SV2B: variants seen among roughly 807,000 people sequenced by gnomAD.
SV2B encodes the protein solute carrier family 22 member B2.
SV2B carries 41 observed loss-of-function variants against 73.9 expected under a neutral mutation model. The ratio of observed to expected loss-of-function variants is 0.56; its 90% CI spans 0.43 to 0.72. The LOEUF (loss-of-function observed/expected upper bound fraction) is 0.72. SV2B is among the 30% of genes least tolerant of loss of function. The pLI is 0.00. For synonymous variants in SV2B, 314 were observed against 314.2 expected (o/e 1.00, Z 0.01); for missense variants, 764 against 857.8 (o/e 0.89, Z 1.37).
At chr15:91,206,651 A>G (rs2045650437) in intron 1 of SV2B, among the ~76,000 whole-genome samples, 1 of 152,088 alleles carries the variant, frequency 6.6e-6, no homozygotes, top group Non-Finnish European at 1.5e-5. Context: ...GTTTTGAATG[A>G]GTGGGGTTTG....
At chr15:91,202,357 T>C (rs2045489572) in intron 1 of SV2B, among the ~76,000 whole-genome samples, 1 of 152,240 alleles carries the variant, frequency 6.6e-6, no homozygotes, top group South Asian at 2.1e-4. Flanking sequence ...CAGTAAATAT[T>C]TGAAGAATCA....
At chr15:91,158,712 TCC>T (rs1749183477) in intron 1 of SV2B, among the ~76,000 whole-genome samples, 25 of 96,316 alleles carry the variant, frequency 2.6e-4, no homozygotes, top group South Asian at 8.1e-4. Flanking sequence ...TCCTCTCCTC[TCC>T]TCTCCTCTCC....
In SV2B at chr15:91,252,628, G is replaced by A. The variant is rs541283883; in HGVS notation, c.784+108G>A. ...TTCCATGTACTCACGCACAGTTCCC[G>A]TACGTGACCTTGATCTTTCTTAACA... On this transcript the variant is annotated intron_variant, in intron 4 of 12. Coordinates refer to ENST00000394232, the MANE Select transcript of SV2B (RefSeq NM_001323032.3). This position sits in a 1 kb window ranked among gnomAD's most constrained non-coding sequence, Gnocchi z 4.6. 2.1e-5 allele frequency: 25 copies of A among 1,201,740 alleles called. No individual in the cohort carries two copies. In the African/African-American group the frequency reaches 2.7e-4, roughly 13 times the overall value. The allele number at this position is 1,201,740 out of a possible 1,614,324, so 74.4% of individuals were successfully genotyped here. A position where few individuals can be genotyped will look rare whatever the true frequency, so the allele number is the denominator to read the frequency against.
chr15:91,153,519 G>A (rs951167149), intron 1 of SV2B, among the ~76,000 whole-genome samples: 2 of 152,086 alleles, frequency 1.3e-5, no homozygotes, highest in Non-Finnish European at 2.9e-5. Flanking sequence ...TTATTACCTC[G>A]TATGATTGCT....
chr15:91,273,508 T>C (rs1264956005), intron 9 of SV2B, among the ~76,000 whole-genome samples: 1 of 152,228 alleles, frequency 6.6e-6, no homozygotes, highest in Non-Finnish European at 1.5e-5. Flanking sequence ...CTGTCAAACA[T>C]GTGCACATGT....
intron 1 of SV2B, among the ~76,000 whole-genome samples, chr15:91,147,546 G>A: frequency 6.6e-6 from 1 of 152,116 alleles, no homozygotes; most frequent in Non-Finnish European, 1.5e-5. Context: ...TTTTTAGTCT[G>A]AGTGAGATCA....
At position 91,111,044 on chromosome 15, in the gene SV2B, CT is replaced by C. The variant is rs559468847; in HGVS notation, c.-392+10689del. The stretch of plus-strand genomic sequence containing the variant: ...TCCTATTTCCCATGATGGATAAGGT[CT>C]TTTTTTTGGTGGCGCCGCCCACGTC... On this transcript the variant is annotated intron_variant, in intron 1 of 12. Coordinates refer to ENST00000394232, the MANE Select transcript of SV2B (RefSeq NM_001323032.3). 9.2e-5 allele frequency among the ~76,000 whole-genome samples: 14 copies of C among 151,738 alleles called. No individual in the cohort carries two copies. The South Asian group carries it at 1.0e-3, about 11-fold the overall frequency.
At chr15:91,117,370 A>G (rs1309276471) in intron 1 of SV2B, among the ~76,000 whole-genome samples, 1 of 152,266 alleles carries the variant, frequency 6.6e-6, no homozygotes, top group African/African-American at 2.4e-5. Context: ...TTGGACATAT[A>G]GCGAGGGTAT....
At chr15:91,107,297 G>GTTTGTTTGTTTGTTTGTTTA (rs140617996) in intron 1 of SV2B, among the ~76,000 whole-genome samples, 5 of 145,730 alleles carry the variant, frequency 3.4e-5, no homozygotes, top group African/African-American at 1.3e-4. Context: ...TTATTTGTTT[G>GTTTGTTTGTTTGTTTGTTTA]TTTATTTATT....
At chr15:91,189,288 C>T (rs2044906441) in intron 1 of SV2B, among the ~76,000 whole-genome samples, 1 of 152,136 alleles carries the variant, frequency 6.6e-6, no homozygotes, top group Non-Finnish European at 1.5e-5. Context: ...ACCTCCGTCC[C>T]CATTTACCTC....
Position 91,258,324 on chromosome 15 carries a change from T to A in SV2B, c.785-97T>A. ...TAACCACCTCCCCGGGTGACTCTCT[T>A]GTGCCCTGAAGTTTGTGAGCCAGGG... On this transcript the variant is annotated intron_variant, in intron 4 of 12. Coordinates refer to ENST00000394232, the MANE Select transcript of SV2B (RefSeq NM_001323032.3). The surrounding 1 kb of genome is among the most constrained non-coding windows in gnomAD (Gnocchi z 4.7). The A allele has an allele frequency of 6.5e-7, 1 of 1,535,666 alleles. No individual in the cohort carries two copies. Among genetic ancestry groups the A allele is most frequent in the Non-Finnish European group, 8.8e-7 (1 of 1,138,246 alleles).
At chr15:91,222,000 A>T (rs2046235983) in intron 1 of SV2B, among the ~76,000 whole-genome samples, 1 of 152,116 alleles carries the variant, frequency 6.6e-6, no homozygotes, top group Non-Finnish European at 1.5e-5. Context: ...TGGTCTCTTC[A>T]TTCTGCCAAG....
In SV2B at chr15:91,284,277, A is replaced by C. The variant is rs1451825608; in HGVS notation, c.1708+56A>C. 1.9e-6 allele frequency: 3 copies of C among 1,581,226 alleles called. No homozygotes were observed. Among genetic ancestry groups the C allele is most frequent in the Non-Finnish European group, 2.6e-6 (3 of 1,152,694 alleles). Reference sequence around the variant, plus strand: ...CCAACGCGCTGGGGTGGTGACTTTCAAGTGTATTAAACAGGGAAATTTTCC... The same window carrying C: ...CCAACGCGCTGGGGTGGTGACTTTCCAGTGTATTAAACAGGGAAATTTTCC... On this transcript the variant is annotated intron_variant, in intron 11 of 12. Transcript: ENST00000394232. This position sits in a 1 kb window ranked among gnomAD's most constrained non-coding sequence, Gnocchi z 4.5.
intron 1 of SV2B, among the ~76,000 whole-genome samples, chr15:91,159,411 A>G (rs1361994746): frequency 6.6e-6 from 1 of 152,242 alleles, no homozygotes; most frequent in East Asian, 1.9e-4. Context: ...GTAGCTTAGC[A>G]TTGGGAAATC....
chr15:91,155,116 A>G lies in SV2B; in HGVS notation c.-392+54753A>G, dbSNP rs369983644. Among the ~76,000 whole-genome samples, 520 of 152,232 alleles carry G rather than the reference A, an allele frequency of 3.4e-3. 5 individuals are homozygous for G. Among genetic ancestry groups the G allele is most frequent in the South Asian group, 0.031 (149 of 4,812 alleles). On this transcript the variant is annotated intron_variant, in intron 1 of 12. Coordinates refer to ENST00000394232, the MANE Select transcript of SV2B (RefSeq NM_001323032.3). ...ACTCTGATTCTTCCCACTCATGGAC[A>G]ACTCTCCTTCCAGCTCCACCTTTCA... is the stretch of plus-strand genomic sequence containing the variant.
intron 2 of SV2B, among the ~76,000 whole-genome samples, chr15:91,246,735 C>A (rs1227401751): frequency 1.3e-5 from 2 of 151,922 alleles, no homozygotes; most frequent in Non-Finnish European, 2.9e-5. Context: ...TCCTCCTCCT[C>A]CTCCTCCTCC....
intron 4 of SV2B, among the ~76,000 whole-genome samples, chr15:91,255,851 C>T (rs1009889489): frequency 2.0e-5 from 3 of 152,128 alleles, no homozygotes; most frequent in East Asian, 1.9e-4. Flanking sequence ...ATGTTTTGTC[C>T]GCAGTGAACC....
chr15:91,179,186 C>T (rs1318550715), intron 1 of SV2B, among the ~76,000 whole-genome samples: 1 of 152,004 alleles, frequency 6.6e-6, no homozygotes, highest in Non-Finnish European at 1.5e-5. Flanking sequence ...GTTCAGTTTC[C>T]ATGTAGTTGA....
intron 9 of SV2B, among the ~76,000 whole-genome samples, chr15:91,273,971 AATT>A (rs1319351423): frequency 6.6e-6 from 1 of 152,200 alleles, no homozygotes; most frequent in Non-Finnish European, 1.5e-5. Context: ...ATAGATATAT[AATT>A]ATTATAAATT....
Sources: allele counts gnomAD v4.1 joint callset (sites outside exome capture counted in the v4.1 genomes callset), GRCh38; gene constraint gnomAD v4.1.1; non-coding constraint Gnocchi (gnomAD v3.1); transcripts MANE v1.5; gene names NCBI Gene and HGNC (gene_info 2026-07-23, HGNC 2026-07-21).